The following COL25A1 variants were observed in gnomAD, a reference collection of about 807,000 sequenced individuals.
COL25A1 encodes collagen alpha-1(XXV) chain.
A neutral mutation model predicts 128.4 loss-of-function variants in COL25A1; 103 were observed. The observed-to-expected ratio is 0.80, with a 90% CI of 0.68 to 0.94. COL25A1 has a LOEUF of 0.94. COL25A1 is among the 40% of genes least tolerant of loss of function. COL25A1 has a pLI of 0.00. For synonymous variants in COL25A1, 279 were observed against 277.2 expected, an observed-to-expected ratio of 1.01 and a Z score of -0.06; for missense variants, 745 against 840.0, an observed-to-expected ratio of 0.89 and a Z score of 1.40.
At chr4:108,968,914 A>G (rs1477026160) in intron 8 of COL25A1, among the ~76,000 whole-genome samples, 1 of 152,086 alleles carries the variant, frequency 6.6e-6, no homozygotes, top group African/African-American at 2.4e-5. Flanking sequence ...TTCTTTTTCA[A>G]CTTCATCCCC....
intron 3 of COL25A1, among the ~76,000 whole-genome samples, chr4:109,268,444 AACAC>A (rs1781941697): frequency 6.6e-6 from 1 of 152,152 alleles, no homozygotes; most frequent in Non-Finnish European, 1.5e-5. Flanking sequence ...CCTCTAGAGA[AACAC>A]ACAAGTTATC....
At chr4:108,982,187 C>A (rs1371582486) in intron 6 of COL25A1, among the ~76,000 whole-genome samples, 3 of 152,140 alleles carry the variant, frequency 2.0e-5, no homozygotes, top group East Asian at 3.9e-4. Flanking sequence ...GAGTGAGACT[C>A]TGTCTCAAAA....
chr4:108,965,718 C>T lies in COL25A1; in HGVS notation c.492+8649G>A, dbSNP rs1202103355. Among the ~76,000 whole-genome samples, 8 of 152,048 alleles carry T rather than the reference C, an allele frequency of 5.3e-5. No homozygotes were observed. In the East Asian group the frequency reaches 1.2e-3, roughly 22 times the overall value. On this transcript the variant is annotated intron_variant, in intron 8 of 37. Transcript: ENST00000399132. ...CCTCTTTAATGATGAAGAGAGACAG[C>T]GGTAGCAGTAGTGGGTGTAGATGAC... is the stretch of plus-strand genomic sequence containing the variant.
intron 6 of COL25A1, among the ~76,000 whole-genome samples, chr4:108,989,849 G>A (rs1753999780): frequency 6.6e-6 from 1 of 152,066 alleles, no homozygotes; most frequent in Non-Finnish European, 1.5e-5. Context: ...TGTGATATCA[G>A]TTGAAATGTC....
rs759197203 is a variant in COL25A1, at chr4:109,301,985, C to T, written c.35G>A (p.Gly12Asp). The change falls in exon 2 of 38, where the codon GGC becomes GAC. Residue 12 changes from glycine to aspartate, a missense_variant. This residue lies in a region of COL25A1 where 319 missense variants were observed against 324.9 expected (regional missense o/e 0.98). Coordinates refer to ENST00000399132, the MANE Select transcript of COL25A1 (RefSeq NM_198721.4). ...CGGGTCCTCGGATCTGGGCTCCCGG[C>T]CCCCTCCTTTCCCTGCGTGCTTCTT... ...LLKKHAGKGG[G>D]REPRSEDPTP... The T allele has an allele frequency of 1.2e-6, 2 of 1,604,466 alleles. No individual in the cohort carries two copies. The highest frequency in any genetic ancestry group is 1.1e-5 in the South Asian group (1 of 90,764).
chr4:108,894,739 C>T (rs185615409), intron 16 of COL25A1, among the ~76,000 whole-genome samples: 5 of 152,174 alleles, frequency 3.3e-5, no homozygotes, highest in Admixed American at 3.3e-4. Context: ...AGATGTAACA[C>T]CAGGTTTATA....
rs1776822718 is a variant in COL25A1, at chr4:109,204,418, T to C, written c.367+96165A>G. 2.0e-5 allele frequency among the ~76,000 whole-genome samples: 3 copies of C among 152,142 alleles called. No individual in the cohort carries two copies. The South Asian group carries it at 6.2e-4, about 32-fold the overall frequency. The stretch of plus-strand genomic sequence containing the variant: ...CAACCAGAAAGCTCTTTTCCGCCCA[T>C]GTCTTAGGAATAATTTGGAAAAAAT... On this transcript the variant is annotated intron_variant, in intron 3 of 37. Coordinates refer to ENST00000399132, the MANE Select transcript of COL25A1 (RefSeq NM_198721.4).
chr4:108,989,890 C>A (rs532348627), intron 6 of COL25A1, among the ~76,000 whole-genome samples: 1 of 151,898 alleles, frequency 6.6e-6, no homozygotes, highest in Non-Finnish European at 1.5e-5. Context: ...ATAAAATTAG[C>A]CTATCAAGAA....
At chr4:109,000,656 G>A (rs1755253764) in intron 6 of COL25A1, among the ~76,000 whole-genome samples, 1 of 138,934 alleles carries the variant, frequency 7.2e-6, no homozygotes, top group Non-Finnish European at 1.5e-5. Flanking sequence ...TGAGGCAGGA[G>A]AATAATTTTA....
chr4:108,896,194 C>A (rs955434093), intron 16 of COL25A1, among the ~76,000 whole-genome samples: 69 of 151,744 alleles, frequency 4.5e-4, no homozygotes, highest in Non-Finnish European at 9.1e-4. Flanking sequence ...ATGATCCACC[C>A]GCCTCAGCCT....
intron 3 of COL25A1, among the ~76,000 whole-genome samples, chr4:109,155,489 G>C (rs1166483038): frequency 6.6e-6 from 1 of 152,148 alleles, no homozygotes; most frequent in Non-Finnish European, 1.5e-5. Context: ...CTGTTTCAAA[G>C]CTACCCAAAA....
chr4:108,889,848 G>C, intron 16 of COL25A1, 115 bp from the exon 17 acceptor site: 1 of 768,848 alleles, frequency 1.3e-6, no homozygotes, highest in South Asian at 1.7e-5. Flanking sequence ...TGACTAATGT[G>C]CCTAACTACG....
At chr4:108,850,474 G>T (rs1735635625) in intron 26 of COL25A1, among the ~76,000 whole-genome samples, 1 of 152,036 alleles carries the variant, frequency 6.6e-6, no homozygotes, top group Admixed American at 6.6e-5. Context: ...TGGGGTGGGT[G>T]GGGTAGGGAT....
At chr4:109,186,171 A>G (rs1433267857) in intron 3 of COL25A1, among the ~76,000 whole-genome samples, 1 of 147,610 alleles carries the variant, frequency 6.8e-6, no homozygotes, top group Non-Finnish European at 1.5e-5. Context: ...TCTCCTTCCC[A>G]TGGACCACGT....
intron 3 of COL25A1, among the ~76,000 whole-genome samples, chr4:109,202,173 G>A (rs1417336624): frequency 6.6e-6 from 1 of 152,088 alleles, no homozygotes; most frequent in African/African-American, 2.4e-5. Flanking sequence ...ACACAATAAT[G>A]AAGAACAAAA....
intron 13 of COL25A1, among the ~76,000 whole-genome samples, chr4:108,902,261 T>C (rs1742931042): frequency 6.6e-6 from 1 of 152,004 alleles, no homozygotes; most frequent in Non-Finnish European, 1.5e-5. Flanking sequence ...TGCCAGGATC[T>C]TTATATTCAT....
At chr4:108,954,369 T>A (rs141118097) in intron 8 of COL25A1, among the ~76,000 whole-genome samples, 1 of 152,276 alleles carries the variant, frequency 6.6e-6, no homozygotes, top group Non-Finnish European at 1.5e-5. Context: ...TTAAATAGTG[T>A]ATCACATGCT....
intron 3 of COL25A1, among the ~76,000 whole-genome samples, chr4:109,158,006 A>C (rs1772198790): frequency 6.6e-6 from 1 of 152,224 alleles, no homozygotes. Context: ...TCTATATAAA[A>C]TTACATGGAT....
intron 3 of COL25A1, among the ~76,000 whole-genome samples, chr4:109,110,100 A>G (rs1488486227): frequency 6.6e-6 from 1 of 152,102 alleles, no homozygotes; most frequent in African/African-American, 2.4e-5. Flanking sequence ...TTCATTCTGT[A>G]TGGTTTCAGT....
Sources: gnomAD v4.1 joint callset for allele counts (sites outside exome capture counted in the v4.1 genomes callset) on GRCh38, gnomAD v4.1.1 for gene constraint, gnomAD v4.1.1 regional missense constraint, MANE v1.5 for transcripts, NCBI Gene and HGNC (gene_info 2026-07-23, HGNC 2026-07-21) for gene names.